The following AKAP9 variants were observed in gnomAD, a reference collection of about 807,000 sequenced individuals.
The protein encoded by AKAP9 is A-kinase anchor protein 9.
Under a neutral mutation model 488.5 loss-of-function variants are expected in AKAP9, and 311 were observed. The ratio of observed to expected loss-of-function variants is 0.64; its 90% CI spans 0.58 to 0.70. The LOEUF is 0.70. Among genes scored for constraint, AKAP9 ranks in the 30% least tolerant of loss-of-function variants. The pLI, the probability that AKAP9 is intolerant of heterozygous loss-of-function variation, is 0.00. For missense variants in AKAP9, 4,215 were observed against 4,374.5 expected, an observed-to-expected ratio of 0.96 and a Z score of 1.03; for synonymous variants, 1,462 against 1,483.5, an observed-to-expected ratio of 0.99 and a Z score of 0.33.
chr7:91,970,837 G>C (rs1794988999), intron 1 of AKAP9, among the ~76,000 whole-genome samples: 1 of 151,822 alleles, frequency 6.6e-6, no homozygotes, highest in Non-Finnish European at 1.5e-5. Context: ...AATCTTTTTT[G>C]GGTCAAATCT....
chr7:92,068,106 A>G (rs953816648), intron 26 of AKAP9, among the ~76,000 whole-genome samples: 1 of 152,032 alleles, frequency 6.6e-6, no homozygotes, highest in Non-Finnish European at 1.5e-5. Flanking sequence ...CAAGCCTGTA[A>G]TCCCAGCACT....
chr7:91,994,169 G>T (rs967288991), intron 5 of AKAP9, among the ~76,000 whole-genome samples: 3 of 152,128 alleles, frequency 2.0e-5, no homozygotes, highest in African/African-American at 7.2e-5. Context: ...GTCCTTGTAA[G>T]TAACCTCTTG....
intron 16 of AKAP9, among the ~76,000 whole-genome samples, chr7:92,032,249 C>G (rs557070546): frequency 6.6e-6 from 1 of 152,278 alleles, no homozygotes. Flanking sequence ...GTAATCCCAC[C>G]GCTTTGGGAG....
At chr7:92,077,537 C>T (rs995012117) in intron 29 of AKAP9, among the ~76,000 whole-genome samples, 159 bp from the exon 30 acceptor site, 3 of 152,090 alleles carry the variant, frequency 2.0e-5, no homozygotes, top group Non-Finnish European at 4.4e-5. Context: ...ATTTTGGGAT[C>T]ATTTATCAAA....
intron 2 of AKAP9, among the ~76,000 whole-genome samples, chr7:91,979,639 C>G (rs1796140149): frequency 6.6e-6 from 1 of 152,178 alleles, no homozygotes; most frequent in Non-Finnish European, 1.5e-5. Context: ...AAATTAGGCA[C>G]TGTACTCTTG....
chr7:92,099,622 C>A, intron 43 of AKAP9, 65 bp from the exon 44 acceptor site: 2 of 1,503,280 alleles, frequency 1.3e-6, no homozygotes, highest in Non-Finnish European at 1.8e-6. Context: ...TGCCTATTCA[C>A]ACTTTATATG....
At chr7:91,941,293 C>A in intron 1 of AKAP9, 146 bp downstream of exon 1, 1 of 675,312 alleles carries the variant, frequency 1.5e-6, no homozygotes. Context: ...TGCATCTCTC[C>A]TCGCCCTCCT....
At chr7:92,019,049 T>C (rs978251689) in intron 12 of AKAP9, among the ~76,000 whole-genome samples, 1 of 152,220 alleles carries the variant, frequency 6.6e-6, no homozygotes, top group African/African-American at 2.4e-5. Flanking sequence ...TACTGAAATA[T>C]ACACTGAAGG....
intron 8 of AKAP9, among the ~76,000 whole-genome samples, chr7:92,009,999 C>T (rs7455444): frequency 0.4 from 60,938 of 151,994 alleles, 12,515 homozygotes; most frequent in African/African-American, 0.46. Context: ...CCCAATTCAG[C>T]CTCCCAAGTA....
At chr7:92,080,611 A>G (rs1813376260) in intron 31 of AKAP9, among the ~76,000 whole-genome samples, 1 of 148,920 alleles carries the variant, frequency 6.7e-6, no homozygotes, top group African/African-American at 2.5e-5. Flanking sequence ...AAAAAAAAAA[A>G]GAAGAAGAAA....
Position 92,079,249 on chromosome 7 carries a change from G to T in AKAP9, c.7116G>T (p.Met2372Ile). ...CAAATATTGGACAGAAGACATCAAT[G>T]AATGCTCATTCCCTCTCAGAAGAAG... The part of the protein sequence containing the change: ...ELANIGQKTS[M>I]NAHSLSEEAD... Residue 2372 changes from methionine to isoleucine, a missense_variant, in exon 31 of 50, where the codon ATG becomes ATT. Coordinates refer to ENST00000356239, the MANE Select transcript of AKAP9 (RefSeq NM_005751.5). 6.2e-7 allele frequency: 1 copy of T among 1,614,074 alleles called. No homozygotes were observed.
intron 3 of AKAP9, among the ~76,000 whole-genome samples, chr7:91,983,942 A>G (rs942963204): frequency 2.0e-5 from 3 of 152,162 alleles, no homozygotes; most frequent in Admixed American, 2.0e-4. Flanking sequence ...TCTTCTTTTG[A>G]GAAGTGTCTG....
At chr7:92,046,283 T>C (rs531387752) in intron 21 of AKAP9, among the ~76,000 whole-genome samples, 12 of 152,210 alleles carry the variant, frequency 7.9e-5, no homozygotes, top group Non-Finnish European at 1.0e-4. Flanking sequence ...GACTCCTGGC[T>C]CACAAGATCA....
chr7:91,946,109 A>G (rs1252633069), intron 1 of AKAP9, among the ~76,000 whole-genome samples: 1 of 152,224 alleles, frequency 6.6e-6, no homozygotes, highest in Non-Finnish European at 1.5e-5. Flanking sequence ...TGCTCCATGC[A>G]AGCTGTATAT....
At chr7:92,075,118 G>A (rs1812366154) in intron 28 of AKAP9, among the ~76,000 whole-genome samples, 2 of 151,982 alleles carry the variant, frequency 1.3e-5, no homozygotes, top group African/African-American at 4.8e-5. Flanking sequence ...CAAGTGTGGG[G>A]TGTGACATGG....
chr7:92,108,509 A>C lies in AKAP9; in HGVS notation c.11562A>C (p.Pro3854=). The C allele has an allele frequency of 6.2e-7, 1 of 1,614,188 alleles. No individual in the cohort carries two copies. The highest frequency in any genetic ancestry group is 8.5e-7 in the Non-Finnish European group (1 of 1,180,020). The change falls in exon 49 of 50, where the codon CCA becomes CCC. Residue 3854 remains proline (P), a synonymous_variant. Transcript: ENST00000356239. ...AATCCTTTAGGTACCCAGGCACTCC[A>C]GCTGATTTCAATCCTGGTTCTTTAG... The part of the protein sequence containing the change: ...LPFQNRYPGT[P]ADFNPGSLAC...
intron 24 of AKAP9, among the ~76,000 whole-genome samples, chr7:92,063,893 A>G (rs568914394): frequency 6.6e-6 from 1 of 151,948 alleles, no homozygotes; most frequent in Non-Finnish European, 1.5e-5. Flanking sequence ...CGATTCTTCC[A>G]CCTCAGCCTC....
rs1456200457 is a variant in AKAP9 at position 92,004,570 on chromosome 7, A to T, written c.3318+1335A>T. On this transcript the variant is annotated intron_variant, in intron 8 of 49. Transcript: ENST00000356239. ...TTGGATTCCTAGGTATTTTATTCTC[A>T]TTGAAGCAATTGTGAATGGGAGTTC... Among the ~76,000 whole-genome samples the T allele has an allele frequency of 3.3e-5, 5 of 152,140 alleles. No individual in the cohort carries two copies. In the East Asian group the frequency reaches 7.7e-4, roughly 24 times the overall value.
At chr7:92,070,609 A>G (rs1051873748) in intron 27 of AKAP9, among the ~76,000 whole-genome samples, 3 of 151,882 alleles carry the variant, frequency 2.0e-5, no homozygotes, top group African/African-American at 7.3e-5. Flanking sequence ...TGATTTTTGT[A>G]TTTTTAGTAG....
Sources: gnomAD v4.1 joint callset for allele counts (sites outside exome capture counted in the v4.1 genomes callset) on GRCh38, gnomAD v4.1.1 for gene constraint, MANE v1.5 for transcripts, NCBI Gene and HGNC (gene_info 2026-07-23, HGNC 2026-07-21) for gene names.